Variants in ARHGAP10 observed in about 807,000 individuals in gnomAD.
ARHGAP10 encodes Rho GTPase activating protein 10, also known as rho GTPase-activating protein 10.
Under a neutral mutation model 108.6 loss-of-function variants are expected in ARHGAP10, and 87 were observed. The observed-to-expected ratio is 0.80, with a 90% CI of 0.67 to 0.96. The LOEUF is 0.96. Ranked by LOEUF, ARHGAP10 falls within the 40% of genes least tolerant of loss-of-function variation. The probability of loss-of-function intolerance (pLI) is 0.00; values close to 1 mark genes in which losing one functional copy is unlikely to be tolerated. For missense variants in ARHGAP10, 939 were observed against 954.5 expected (o/e 0.98, Z 0.21); for synonymous variants, 347 against 341.1 (o/e 1.02, Z -0.19).
intron 3 of ARHGAP10, among the ~76,000 whole-genome samples, chr4:147,835,103 T>A (rs369585981): frequency 3.7e-4 from 57 of 152,268 alleles, no homozygotes; most frequent in Admixed American, 1.1e-3. Flanking sequence ...TCCCACTTCA[T>A]TTATAAATAT....
At chr4:147,790,095 C>T (rs930793555) in intron 1 of ARHGAP10, among the ~76,000 whole-genome samples, 2 of 149,708 alleles carry the variant, frequency 1.3e-5, no homozygotes, top group Admixed American at 6.7e-5. Flanking sequence ...ATTTAGTTCT[C>T]ACAGTTCTGG....
chr4:147,976,275 T>C (rs2149623088), intron 18 of ARHGAP10, among the ~76,000 whole-genome samples: 1 of 152,326 alleles, frequency 6.6e-6, no homozygotes, highest in South Asian at 2.1e-4. Flanking sequence ...TGATTTAGCT[T>C]TGCTGGCACT....
At chr4:148,021,179 T>G (rs990117923) in intron 18 of ARHGAP10, among the ~76,000 whole-genome samples, 5 of 152,192 alleles carry the variant, frequency 3.3e-5, no homozygotes, top group African/African-American at 1.2e-4. Flanking sequence ...ACTGAGGTGC[T>G]GGGAAGGACT....
chr4:148,024,827 T>G (rs1741706070), intron 19 of ARHGAP10, among the ~76,000 whole-genome samples: 2 of 152,196 alleles, frequency 1.3e-5, no homozygotes, highest in African/African-American at 4.8e-5. Context: ...TACACCTCAC[T>G]TGTCCTCTGA....
At chr4:147,817,328 C>T (rs1296006984) in intron 1 of ARHGAP10, among the ~76,000 whole-genome samples, 1 of 152,104 alleles carries the variant, frequency 6.6e-6, no homozygotes, top group Non-Finnish European at 1.5e-5. Context: ...GATGGGCAGT[C>T]AAGGTAGGGT....
At chr4:147,798,767 CTCTCTCTCTCTCTCTATATATATA>C (rs1310302831) in intron 1 of ARHGAP10, among the ~76,000 whole-genome samples, 109 of 6,590 alleles carry the variant, frequency 0.017, 5 homozygotes, top group Non-Finnish European at 0.024. Context: ...CTCTCTCTCT[CTCTCTCTCTCTCTCTATATATATA>C]TATATATATA....
chr4:147,900,658 A>G (rs1290534917), intron 10 of ARHGAP10, among the ~76,000 whole-genome samples: 1 of 152,186 alleles, frequency 6.6e-6, no homozygotes, highest in Non-Finnish European at 1.5e-5. Context: ...AGTAGAATGC[A>G]TTGCAGCAAT....
At chr4:147,952,766 G>T (rs1202129909) in intron 15 of ARHGAP10, among the ~76,000 whole-genome samples, 1 of 151,964 alleles carries the variant, frequency 6.6e-6, no homozygotes, top group Non-Finnish European at 1.5e-5. Flanking sequence ...ATGAAGTCTA[G>T]TTCATCAGTT....
At position 147,807,436 on chromosome 4, in the gene ARHGAP10, A is replaced by G. The variant is rs545104224; in HGVS notation, c.155-15291A>G. On this transcript the variant is annotated intron_variant, in intron 1 of 22. Coordinates refer to ENST00000336498, the MANE Select transcript of ARHGAP10 (RefSeq NM_024605.4). ...AGGAACAGAAGAACTTATATTCCAGAATTATTTTTTTTTTAAATGTAGGAA... is the reference window on the plus strand; with the variant it reads ...AGGAACAGAAGAACTTATATTCCAGGATTATTTTTTTTTTAAATGTAGGAA... Among the ~76,000 whole-genome samples, 103 of 152,184 alleles carry G rather than the reference A, an allele frequency of 6.8e-4. No homozygotes were observed. In the South Asian group the frequency reaches 0.02, roughly 30 times the overall value.
At chr4:148,061,434 T>C (rs1729615698) in intron 20 of ARHGAP10, among the ~76,000 whole-genome samples, 1 of 152,130 alleles carries the variant, frequency 6.6e-6, no homozygotes, top group Admixed American at 6.5e-5. Flanking sequence ...CGTTCCTGAT[T>C]AGTAAGACAA....
intron 3 of ARHGAP10, among the ~76,000 whole-genome samples, chr4:147,827,781 A>T (rs991688549): frequency 2.0e-5 from 3 of 152,134 alleles, no homozygotes; most frequent in African/African-American, 7.2e-5. Context: ...ATTGGTTCCA[A>T]GGATTTCATA....
chr4:147,872,228 A>G (rs941510903), intron 7 of ARHGAP10, among the ~76,000 whole-genome samples: 10 of 151,874 alleles, frequency 6.6e-5, no homozygotes, highest in African/African-American at 2.4e-4. Flanking sequence ...TGGTGATGAG[A>G]CAGAGGTGGC....
At chr4:147,801,779 C>T (rs1731592575) in intron 1 of ARHGAP10, among the ~76,000 whole-genome samples, 1 of 152,248 alleles carries the variant, frequency 6.6e-6, no homozygotes, top group Non-Finnish European at 1.5e-5. Flanking sequence ...ACTCCACAGA[C>T]ATCAGATACC....
rs11301771 is a variant in ARHGAP10, at chr4:147,761,017, C to CTTT, written c.154+28577_154+28579dup. On this transcript the variant is annotated intron_variant, in intron 1 of 22. Transcript: ENST00000336498. ...AGTTTATTTTGTAAGTTAGAGTTAA[C>CTTT]TTTTTTTTTTTTTTTTTGACACAGA... 2.8e-5 allele frequency among the ~76,000 whole-genome samples: 4 copies of CTTT among 141,366 alleles called. No homozygotes were observed. In the South Asian group the frequency reaches 6.9e-4, roughly 24 times the overall value. The allele number at this position is 141,366 out of a possible 152,430, so 92.7% of individuals were successfully genotyped here.
chr4:147,744,631 G>T lies in ARHGAP10; in HGVS notation c.154+12176G>T, dbSNP rs151252104. On this transcript the variant is annotated intron_variant, in intron 1 of 22. Coordinates refer to ENST00000336498, the MANE Select transcript of ARHGAP10 (RefSeq NM_024605.4). ...AAGACTTAGCAGCTGCAGGCTATAGGGGGTGATTGGGTGTGGGGGCTGCCC... is the reference window on the plus strand; with the variant it reads ...AAGACTTAGCAGCTGCAGGCTATAGTGGGTGATTGGGTGTGGGGGCTGCCC... Among the ~76,000 whole-genome samples, 3 of 152,174 alleles carry T rather than the reference G, an allele frequency of 2.0e-5. No homozygotes were observed. In the South Asian group the frequency reaches 6.2e-4, roughly 32 times the overall value.
chr4:147,909,880 C>T, intron 12 of ARHGAP10, 103 bp downstream of exon 12: 1 of 1,111,896 alleles, frequency 9.0e-7, no homozygotes. Flanking sequence ...TCTCTGCACC[C>T]TCTATTAGAC....
chr4:147,745,483 G>A (rs1560735704), intron 1 of ARHGAP10: 1 of 155,452 alleles, frequency 6.4e-6, no homozygotes, highest in African/African-American at 2.4e-5. Context: ...AGAGCACAAA[G>A]TGTTTGTTTG....
intron 1 of ARHGAP10, among the ~76,000 whole-genome samples, chr4:147,819,786 T>A (rs971835771): frequency 1.3e-5 from 2 of 152,156 alleles, no homozygotes; most frequent in Non-Finnish European, 2.9e-5. Flanking sequence ...CTTGAACTCC[T>A]GACCTTAGGT....
At chr4:148,029,567 T>C (rs922700822) in intron 19 of ARHGAP10, among the ~76,000 whole-genome samples, 1 of 152,216 alleles carries the variant, frequency 6.6e-6, no homozygotes, top group African/African-American at 2.4e-5. Context: ...CTTGTAAACA[T>C]GTGATCAGCT....
Sources: allele counts gnomAD v4.1 joint callset (sites outside exome capture counted in the v4.1 genomes callset), GRCh38; gene constraint gnomAD v4.1.1; transcripts MANE v1.5; gene names NCBI Gene and HGNC (gene_info 2026-07-23, HGNC 2026-07-21).